CSGALNACT1: variants seen among roughly 807,000 people sequenced by gnomAD.
The protein encoded by CSGALNACT1 is beta4GalNAcT-1.
In CSGALNACT1, 52 loss-of-function variants were observed where a neutral mutation model predicts 51.0. The ratio of observed to expected loss-of-function variants is 1.02; its 90% CI spans 0.82 to 1.29. The LOEUF is 1.29. Among genes scored for constraint, CSGALNACT1 ranks in the 50% most tolerant of loss-of-function variants. CSGALNACT1 has a pLI of 0.00. For missense variants in CSGALNACT1, 935 were observed against 679.2 expected (o/e 1.38, Z -4.19); for synonymous variants, 341 against 254.4 (o/e 1.34, Z -3.24).
chr8:19,487,901 A>T (rs1274378946), intron 4 of CSGALNACT1, among the ~76,000 whole-genome samples: 1 of 146,978 alleles, frequency 6.8e-6, no homozygotes, highest in Non-Finnish European at 1.5e-5. Flanking sequence ...ACTTCAAGAT[A>T]TGCTAAAAAA....
intron 4 of CSGALNACT1, 111 bp downstream of exon 3, chr8:19,505,090 G>T (rs535215896): frequency 8.2e-7 from 1 of 1,214,818 alleles, no homozygotes; most frequent in Non-Finnish European, 1.2e-6. Context: ...AAAACTTTCC[G>T]CCAGCCATCC....
At chr8:19,446,134 C>T (rs1237185568) in intron 5 of CSGALNACT1, among the ~76,000 whole-genome samples, 1 of 152,104 alleles carries the variant, frequency 6.6e-6, no homozygotes, top group Non-Finnish European at 1.5e-5. Flanking sequence ...GAGATGGTGC[C>T]AGTGCACTCC....
At chr8:19,679,807 C>A (rs1254120421) in intron 1 of CSGALNACT1, among the ~76,000 whole-genome samples, 4 of 152,098 alleles carry the variant, frequency 2.6e-5, no homozygotes, top group Non-Finnish European at 5.9e-5. Context: ...AGCCAGAGTC[C>A]CGGCAACACT....
chr8:19,732,038 T>A (rs1201758818), intron 1 of CSGALNACT1, among the ~76,000 whole-genome samples: 1 of 152,230 alleles, frequency 6.6e-6, no homozygotes, highest in African/African-American at 2.4e-5. Context: ...ATTGGCCAAA[T>A]GCTTTCTTAC....
chr8:19,471,455 T>C (rs561937176), intron 4 of CSGALNACT1, among the ~76,000 whole-genome samples: 1 of 152,300 alleles, frequency 6.6e-6, no homozygotes, highest in East Asian at 1.9e-4. Flanking sequence ...AATGTTCCTT[T>C]CGTTCCTGTT....
chr8:19,584,970 C>T (rs2046320372), intron 3 of CSGALNACT1, among the ~76,000 whole-genome samples: 1 of 152,152 alleles, frequency 6.6e-6, no homozygotes. Flanking sequence ...AGACTTAAGT[C>T]TGAATTCTAG....
intron 5 of CSGALNACT1, among the ~76,000 whole-genome samples, chr8:19,447,432 G>A (rs1303231284): frequency 2.6e-5 from 4 of 152,312 alleles, no homozygotes; most frequent in African/African-American, 9.6e-5. Context: ...TGATGGACTG[G>A]TGACAGGCTG....
intron 1 of CSGALNACT1, among the ~76,000 whole-genome samples, chr8:19,624,493 T>G (rs2054205859): frequency 6.6e-6 from 1 of 152,132 alleles, no homozygotes; most frequent in East Asian, 1.9e-4. Flanking sequence ...ACACAGTATA[T>G]TAATTGGAGT....
intron 4 of CSGALNACT1, among the ~76,000 whole-genome samples, chr8:19,469,087 A>G (rs1375893378): frequency 6.6e-6 from 1 of 152,130 alleles, no homozygotes; most frequent in African/African-American, 2.4e-5. Flanking sequence ...TAACTAAGAT[A>G]AGGATGAAAT....
intron 1 of CSGALNACT1, among the ~76,000 whole-genome samples, chr8:19,736,860 G>T (rs1408678916): frequency 3.3e-5 from 5 of 151,844 alleles, no homozygotes; most frequent in African/African-American, 1.2e-4. Context: ...TAATGGCTGA[G>T]AATTTTCCAA....
At chr8:19,738,567 A>G (rs575244072) in intron 1 of CSGALNACT1, among the ~76,000 whole-genome samples, 1 of 152,216 alleles carries the variant, frequency 6.6e-6, no homozygotes, top group Non-Finnish European at 1.5e-5. Flanking sequence ...TGATGGTTAC[A>G]TAACAACATG....
chr8:19,728,345 T>G (rs546558125), intron 1 of CSGALNACT1, among the ~76,000 whole-genome samples: 50 of 152,238 alleles, frequency 3.3e-4, no homozygotes, highest in African/African-American at 1.2e-3. Flanking sequence ...ACAGGTCAGC[T>G]CTAAAAATAA....
chr8:19,511,255 C>T (rs1453894798), intron 3 of CSGALNACT1, among the ~76,000 whole-genome samples: 2 of 152,178 alleles, frequency 1.3e-5, no homozygotes, highest in African/African-American at 4.8e-5. Context: ...AGCCAAAAGG[C>T]TTGATGGAGA....
Position 19,423,357 on chromosome 8 carries a change from G to A in CSGALNACT1, c.954-2839C>T, listed in dbSNP as rs56258545. 7.8e-3 allele frequency among the ~76,000 whole-genome samples: 1,191 copies of A among 152,342 alleles called. 9 individuals carry two copies. Among genetic ancestry groups the A allele is most frequent in the Non-Finnish European group, 0.01 (710 of 68,026 alleles). On this transcript the variant is annotated intron_variant, in intron 6 of 9. Coordinates refer to ENST00000454498, the Ensembl canonical transcript of CSGALNACT1. The stretch of plus-strand genomic sequence containing the variant: ...GGAAACAGCATGAAAGAAATGACGA[G>A]TCTACAAGTGATTGATTAACTGCTG...
At chr8:19,411,276 T>C (rs1361546586) in intron 8 of CSGALNACT1, among the ~76,000 whole-genome samples, 2 of 152,224 alleles carry the variant, frequency 1.3e-5, no homozygotes, top group Non-Finnish European at 2.9e-5. Flanking sequence ...TCTGTAACAA[T>C]TCTGGCTTCT....
chr8:19,427,084 T>G (rs1340992614), intron 6 of CSGALNACT1, among the ~76,000 whole-genome samples: 4 of 152,238 alleles, frequency 2.6e-5, no homozygotes, highest in Non-Finnish European at 5.9e-5. Flanking sequence ...ATCCAATTTT[T>G]CATAGTAGGC....
chr8:19,497,403 C>T (rs188832500), intron 4 of CSGALNACT1, among the ~76,000 whole-genome samples: 28 of 152,270 alleles, frequency 1.8e-4, no homozygotes, highest in East Asian at 1.4e-3. Context: ...GTGGTAACTA[C>T]AGCAACAACA....
At chr8:19,726,225 T>C (rs2063392885) in intron 1 of CSGALNACT1, among the ~76,000 whole-genome samples, 1 of 152,332 alleles carries the variant, frequency 6.6e-6, no homozygotes, top group Non-Finnish European at 1.5e-5. Context: ...TAAGTTAACA[T>C]TAAATTTTAA....
intron 5 of CSGALNACT1, among the ~76,000 whole-genome samples, chr8:19,453,002 T>G (rs2063467855): frequency 6.6e-6 from 1 of 152,042 alleles, no homozygotes; most frequent in African/African-American, 2.4e-5. Flanking sequence ...CCAAGGAGAA[T>G]CCACCCAAAC....
Sources: allele counts gnomAD v4.1 joint callset (sites outside exome capture counted in the v4.1 genomes callset), GRCh38; gene constraint gnomAD v4.1.1; transcripts MANE v1.5; gene names NCBI Gene and HGNC (gene_info 2026-07-23, HGNC 2026-07-21).